PCDHGB5: variants seen among roughly 807,000 people sequenced by gnomAD.
The protein encoded by PCDHGB5 is protocadherin gamma-B5.
Under a neutral mutation model 62.9 loss-of-function variants are expected in PCDHGB5, and 48 were observed. The ratio of observed to expected loss-of-function variants is 0.76; its 90% CI spans 0.61 to 0.97. The LOEUF is 0.97. Among genes scored for constraint, PCDHGB5 ranks in the 50% least tolerant of loss-of-function variants. The probability of loss-of-function intolerance (pLI) is 0.00; values close to 1 mark genes in which losing one functional copy is unlikely to be tolerated. For synonymous variants in PCDHGB5, 474 were observed against 511.2 expected (o/e 0.93, Z 0.98); for missense variants, 1,118 against 1,198.6 (o/e 0.93, Z 0.99).
At chr5:141,463,650 A>C (rs1206605758) in intron 1 of PCDHGB5, among the ~76,000 whole-genome samples, 1 of 151,746 alleles carries the variant, frequency 6.6e-6, no homozygotes, top group Non-Finnish European at 1.5e-5. Flanking sequence ...ACGGGGTTTC[A>C]CCGTGTTAGC....
At chr5:141,464,657 T>G (rs575409062) in intron 1 of PCDHGB5, among the ~76,000 whole-genome samples, 1 of 152,312 alleles carries the variant, frequency 6.6e-6, no homozygotes, top group South Asian at 2.1e-4. Context: ...GGTAAAAAGA[T>G]ATCTCCAAAT....
chr5:141,477,087 C>T lies in PCDHGB5; in HGVS notation c.2398-17720C>T, dbSNP rs748424193. ...AAACTCCATGAGATTTACATCCAGG[C>T]CAAAGACAAGGGCGCCAATCCCGAA... On this transcript the variant is annotated intron_variant, in intron 1 of 3. Coordinates refer to ENST00000617380, the MANE Select transcript of PCDHGB5 (RefSeq NM_018925.3). The surrounding 1 kb of genome is among the most constrained non-coding windows in gnomAD (Gnocchi z 4.9). The T allele has an allele frequency of 1.2e-6, 2 of 1,614,244 alleles. No individual in the cohort carries two copies. Among genetic ancestry groups the T allele is most frequent in the Admixed American group, 3.3e-5 (2 of 60,032 alleles).
At chr5:141,464,480 A>T (rs1013894368) in intron 1 of PCDHGB5, among the ~76,000 whole-genome samples, 4 of 151,864 alleles carry the variant, frequency 2.6e-5, no homozygotes, top group African/African-American at 7.3e-5. Flanking sequence ...CGTATAATAA[A>T]TTCCTAATAG....
intron 1 of PCDHGB5, chr5:141,415,281 C>T (rs1321418691): frequency 6.2e-7 from 1 of 1,614,080 alleles, no homozygotes; most frequent in African/African-American, 1.3e-5. Context: ...TAGCGGTGGC[C>T]GCGGTCTCCT....
At position 141,510,993 on chromosome 5, in the gene PCDHGB5, G is replaced by A. The variant is rs1457918073; in HGVS notation, c.2592G>A (p.Met864Ile). The A allele has an allele frequency of 4.3e-6, 7 of 1,614,046 alleles. No homozygotes were observed. Among genetic ancestry groups the A allele is most frequent in the African/African-American group, 1.3e-5 (1 of 74,906 alleles). ...CCCTGGGAGGGGGTGCCGGCACCAT[G>A]GGATTGAGCGCCCGCTACGGACCCC... ...SSTLGGGAGT[M>I]GLSARYGPQF... The change falls in exon 4 of 4, where the codon ATG (methionine) becomes ATA (isoleucine). Residue 864 changes from methionine to isoleucine, a missense_variant. Transcript: ENST00000617380.
At chr5:141,508,193 C>T (rs1426786164) in intron 3 of PCDHGB5, 1 of 152,326 alleles carries the variant, frequency 6.6e-6, no homozygotes, top group Non-Finnish European at 1.5e-5. Flanking sequence ...ATCACCCCCA[C>T]CTCGTCCAGG....
chr5:141,415,883 G>A (rs2095968409), intron 1 of PCDHGB5: 1 of 983,982 alleles, frequency 1.0e-6, no homozygotes, highest in African/African-American at 1.7e-5. Context: ...GTACAATATT[G>A]ACAATTCCTA....
In PCDHGB5 at chr5:141,485,842, T is replaced by C; in HGVS notation, c.2398-8965T>C. ...TCGATGGAGGGAACCCGCCGAGATC[T>C]GGCACCGCAGAGCTCCGGGTATCCG... On this transcript the variant is annotated intron_variant, in intron 1 of 3. Coordinates refer to ENST00000617380, the MANE Select transcript of PCDHGB5 (RefSeq NM_018925.3). This position sits in a 1 kb window ranked among gnomAD's most constrained non-coding sequence, Gnocchi z 5.7. 1 of 1,614,002 alleles carries C rather than the reference T, an allele frequency of 6.2e-7. No homozygotes were observed. Among genetic ancestry groups the C allele is most frequent in the Non-Finnish European group, 8.5e-7 (1 of 1,179,982 alleles).
In PCDHGB5 at chr5:141,432,927, G is replaced by A; in HGVS notation, c.2397+32403G>A. On this transcript the variant is annotated intron_variant, in intron 1 of 3. Coordinates refer to ENST00000617380, the MANE Select transcript of PCDHGB5 (RefSeq NM_018925.3). This position sits in a 1 kb window ranked among gnomAD's most constrained non-coding sequence, Gnocchi z 6.0. ...AGGCTGCGGCGCTGGCACAAGTCACGCCTGCTGCAGGCTTCAGGAGGCGGC... is the reference window on the plus strand; with the variant it reads ...AGGCTGCGGCGCTGGCACAAGTCACACCTGCTGCAGGCTTCAGGAGGCGGC... 6.2e-7 allele frequency: 1 copy of A among 1,614,162 alleles called. No individual in the cohort carries two copies. Among genetic ancestry groups the A allele is most frequent in the Non-Finnish European group, 8.5e-7 (1 of 1,180,032 alleles).
In PCDHGB5 at chr5:141,431,964, A is replaced by G; in HGVS notation, c.2397+31440A>G. On this transcript the variant is annotated intron_variant, in intron 1 of 3. Coordinates refer to ENST00000617380, the MANE Select transcript of PCDHGB5 (RefSeq NM_018925.3). The surrounding 1 kb of genome is among the most constrained non-coding windows in gnomAD (Gnocchi z 4.8). Reference sequence around the variant, plus strand: ...TTAGAAAAATCTTACGGAAATTACTATAGTTTAGTCACAGACATAGTCTTG... The same window carrying G: ...TTAGAAAAATCTTACGGAAATTACTGTAGTTTAGTCACAGACATAGTCTTG... 2.5e-6 allele frequency: 4 copies of G among 1,614,218 alleles called. No individual in the cohort carries two copies. The highest frequency in any genetic ancestry group is 2.5e-6 in the Non-Finnish European group (3 of 1,180,028).
At chr5:141,447,719 C>T (rs1333017511) in intron 1 of PCDHGB5, among the ~76,000 whole-genome samples, 2 of 152,226 alleles carry the variant, frequency 1.3e-5, no homozygotes, top group East Asian at 3.9e-4. Context: ...TACACATTTT[C>T]CAAAACTCAT....
intron 1 of PCDHGB5, chr5:141,423,301 C>T (rs1489674947): frequency 1.9e-6 from 3 of 1,614,150 alleles, no homozygotes; most frequent in East Asian, 4.5e-5. Flanking sequence ...AGACCTCTCG[C>T]TGTACTTGGT....
chr5:141,484,763 T>C (rs2099600495), intron 1 of PCDHGB5, among the ~76,000 whole-genome samples: 1 of 151,872 alleles, frequency 6.6e-6, no homozygotes, highest in East Asian at 1.9e-4. Flanking sequence ...TATATATATA[T>C]ATGTTGTCTG....
intron 1 of PCDHGB5, chr5:141,418,010 G>A: frequency 6.2e-7 from 1 of 1,613,914 alleles, no homozygotes; most frequent in African/African-American, 1.3e-5. Flanking sequence ...GGGGAACCTC[G>A]CTAAGGATCT....
At chr5:141,408,478 T>C (rs1433834175) in intron 1 of PCDHGB5, 1 of 1,614,056 alleles carries the variant, frequency 6.2e-7, no homozygotes, top group Non-Finnish European at 8.5e-7. Context: ...GAATAGACCG[T>C]GAGCAAATAT....
chr5:141,494,736 T>A, intron 1 of PCDHGB5, 71 bp from the exon 2 acceptor site: 2 of 1,611,858 alleles, frequency 1.2e-6, no homozygotes, highest in Non-Finnish European at 1.7e-6. Flanking sequence ...TCCCGGCCCA[T>A]CCCTAGGGGC....
rs1419819549 is a variant in PCDHGB5 at position 141,405,132 on chromosome 5, C to T, written c.2397+4608C>T. ...TGGCACTCCTCGCATCTGCTGCGGG[C>T]TACCAGTGATGGGTTGGCTGGTGTG... On this transcript the variant is annotated intron_variant, in intron 1 of 3. Transcript: ENST00000617380. 2 of 1,614,032 alleles carry T rather than the reference C, an allele frequency of 1.2e-6. No individual in the cohort carries two copies. Among genetic ancestry groups the T allele is most frequent in the East Asian group, 4.5e-5 (2 of 44,860 alleles).
At chr5:141,418,520 C>T (rs766042374) in intron 1 of PCDHGB5, 3 of 1,613,936 alleles carry the variant, frequency 1.9e-6, no homozygotes, top group Non-Finnish European at 2.5e-6. Flanking sequence ...TGGGGACCCT[C>T]CCCGAAGCGG....
intron 1 of PCDHGB5, among the ~76,000 whole-genome samples, chr5:141,438,615 T>C (rs566173071): frequency 5.6e-5 from 2 of 35,920 alleles, no homozygotes; most frequent in Admixed American, 4.1e-4. Flanking sequence ...TATATATATA[T>C]ATATATATAT....
Sources: gnomAD v4.1 joint callset for allele counts (sites outside exome capture counted in the v4.1 genomes callset) on GRCh38, gnomAD v4.1.1 for gene constraint, Gnocchi (gnomAD v3.1) non-coding constraint, MANE v1.5 for transcripts, NCBI Gene and HGNC (gene_info 2026-07-23, HGNC 2026-07-21) for gene names.